CDH8: variants seen among roughly 807,000 people sequenced by gnomAD.
CDH8 encodes cadherin-8.
CDH8 carries 17 observed loss-of-function variants against 68.1 expected under a neutral mutation model. That is an observed-to-expected ratio of 0.25 (90% CI 0.17 to 0.37). The LOEUF (loss-of-function observed/expected upper bound fraction) is 0.37, where lower values mean the gene tolerates loss of function less well. Among genes scored for constraint, CDH8 ranks in the 10% least tolerant of loss-of-function variants. The pLI, the probability that CDH8 is intolerant of heterozygous loss-of-function variation, is 1.00. For synonymous variants in CDH8, 372 were observed against 365.1 expected (o/e 1.02, Z -0.21); for missense variants, 763 against 999.3 (o/e 0.76, Z 3.19).
intron 2 of CDH8, among the ~76,000 whole-genome samples, chr16:61,956,964 A>G (rs1373821644): frequency 1.3e-5 from 2 of 152,228 alleles, no homozygotes; most frequent in Non-Finnish European, 2.9e-5. Flanking sequence ...CAGACGCTTC[A>G]TTAAGAACAT....
intron 3 of CDH8, among the ~76,000 whole-genome samples, chr16:61,868,469 A>C (rs930780786): frequency 1.3e-5 from 2 of 152,162 alleles, no homozygotes. Flanking sequence ...AATAACGGTA[A>C]GGGTTTTCTC....
At chr16:61,814,333 C>T (rs926761576) in intron 7 of CDH8, among the ~76,000 whole-genome samples, 3 of 152,150 alleles carry the variant, frequency 2.0e-5, no homozygotes, top group Non-Finnish European at 4.4e-5. Flanking sequence ...TAGCAAGGAA[C>T]TAATTAATGT....
rs1465036238 is a variant in CDH8 at position 61,926,155 on chromosome 16, G to C, written c.253-24682C>G. On this transcript the variant is annotated intron_variant, in intron 2 of 11. Transcript: ENST00000577390. ...TGTTGATTTGGGACTCAGAAGGGGT[G>C]TGTGTGTGTGTGTGTGTGTGTGTGT... is the stretch of plus-strand genomic sequence containing the variant. Among the ~76,000 whole-genome samples, 4 of 70,602 alleles carry C rather than the reference G, an allele frequency of 5.7e-5. No homozygotes were observed. In the East Asian group the frequency reaches 1.1e-3, roughly 20 times the overall value. 46.3% of individuals were successfully genotyped at this position (70,602 alleles called of 152,430 possible).
chr16:61,955,256 A>G (rs1964968043), intron 2 of CDH8, among the ~76,000 whole-genome samples: 1 of 152,198 alleles, frequency 6.6e-6, no homozygotes, highest in Admixed American at 6.5e-5. Context: ...TATATAATGA[A>G]CCATAACCTA....
At chr16:61,893,326 T>G (rs1963810108) in intron 3 of CDH8, among the ~76,000 whole-genome samples, 1 of 152,102 alleles carries the variant, frequency 6.6e-6, no homozygotes, top group East Asian at 1.9e-4. Context: ...ACGCTGTTTC[T>G]AAATAAGGTC....
At chr16:61,788,563 T>G (rs887895421) in intron 8 of CDH8, among the ~76,000 whole-genome samples, 11 of 152,086 alleles carry the variant, frequency 7.2e-5, no homozygotes, top group Non-Finnish European at 1.2e-4. Context: ...CTTTTCCATT[T>G]TTTGTATAAT....
intron 2 of CDH8, among the ~76,000 whole-genome samples, chr16:61,951,916 C>A (rs1964904960): frequency 6.6e-6 from 1 of 152,142 alleles, no homozygotes; most frequent in African/African-American, 2.4e-5. Context: ...ATTTGCTTCA[C>A]AAGAATTTGT....
chr16:61,693,879 T>C (rs898902092), intron 10 of CDH8: 1 of 152,208 alleles, frequency 6.6e-6, no homozygotes, highest in Non-Finnish European at 1.5e-5. Flanking sequence ...TTGCAGGCAT[T>C]ATCTCTAATT....
intron 3 of CDH8, among the ~76,000 whole-genome samples, chr16:61,899,571 G>C (rs533425027): frequency 1.3e-5 from 2 of 152,158 alleles, no homozygotes; most frequent in South Asian, 4.2e-4. Flanking sequence ...GGGTGAGAAA[G>C]AGGAAGAGGG....
At chr16:61,745,025 A>ATT (rs1217918311) in intron 8 of CDH8, among the ~76,000 whole-genome samples, 4 of 133,098 alleles carry the variant, frequency 3.0e-5, no homozygotes, top group African/African-American at 1.1e-4. Context: ...GCTGGTTTTC[A>ATT]TTTTTTTTTT....
At chr16:61,918,578 A>G in intron 2 of CDH8, 1 of 153,196 alleles carries the variant, frequency 6.5e-6, no homozygotes, top group Non-Finnish European at 1.5e-5. Context: ...AAATCGGGTT[A>G]CTCCCACCCG....
intron 9 of CDH8, chr16:61,726,365 T>C (rs952014735): frequency 3.3e-5 from 5 of 150,820 alleles, no homozygotes; most frequent in Non-Finnish European, 7.4e-5. Flanking sequence ...ATAGCAGATA[T>C]TTGTTTCTGT....
chr16:61,832,234 C>A (rs917794063), intron 4 of CDH8, among the ~76,000 whole-genome samples: 2 of 151,480 alleles, frequency 1.3e-5, no homozygotes, highest in Admixed American at 6.6e-5. Flanking sequence ...AATTCGGCCT[C>A]CATAAGGCTC....
At chr16:61,896,419 A>G (rs545388360) in intron 3 of CDH8, among the ~76,000 whole-genome samples, 4 of 152,230 alleles carry the variant, frequency 2.6e-5, no homozygotes, top group South Asian at 2.1e-4. Context: ...CACTTTCTGC[A>G]CAATGAAATC....
intron 10 of CDH8, among the ~76,000 whole-genome samples, chr16:61,696,689 C>T (rs967975276): frequency 6.6e-6 from 1 of 152,142 alleles, no homozygotes; most frequent in African/African-American, 2.4e-5. Flanking sequence ...ATGGAATCAA[C>T]TTAGATGGCC....
intron 2 of CDH8, among the ~76,000 whole-genome samples, chr16:61,994,130 T>C (rs572716311): frequency 6.6e-6 from 1 of 152,302 alleles, no homozygotes; most frequent in Admixed American, 6.5e-5. Context: ...TATTACATGT[T>C]CTACTGCTGC....
At chr16:62,025,224 T>A (rs1053950459) in intron 1 of CDH8, among the ~76,000 whole-genome samples, 4 of 152,184 alleles carry the variant, frequency 2.6e-5, no homozygotes, top group African/African-American at 7.2e-5. Context: ...TCTGAATGAA[T>A]CAGCATCTAA....
chr16:61,842,143 G>T (rs1410617270), intron 4 of CDH8, among the ~76,000 whole-genome samples: 3 of 150,192 alleles, frequency 2.0e-5, no homozygotes, highest in Non-Finnish European at 4.4e-5. Flanking sequence ...TCCTGACCTC[G>T]TGATCCGCCC....
At chr16:61,787,422 A>G (rs913594935) in intron 8 of CDH8, among the ~76,000 whole-genome samples, 15 of 138,754 alleles carry the variant, frequency 1.1e-4, no homozygotes, top group African/African-American at 4.4e-4. Flanking sequence ...AATGGCAATC[A>G]TTAAAAAGTC....
Sources: allele counts gnomAD v4.1 joint callset (sites outside exome capture counted in the v4.1 genomes callset), GRCh38; gene constraint gnomAD v4.1.1; transcripts MANE v1.5; gene names NCBI Gene and HGNC (gene_info 2026-07-23, HGNC 2026-07-21).